The following MICOS10 variants were observed in gnomAD, a reference collection of about 807,000 sequenced individuals.
MICOS10 encodes mitochondrial contact site and cristae organizing system subunit 10.
MICOS10 carries 5 observed loss-of-function variants against 13.4 expected under a neutral mutation model. The observed-to-expected ratio is 0.37, with a 90% CI of 0.20 to 0.78. MICOS10 has a LOEUF of 0.78. Among genes scored for constraint, MICOS10 ranks in the 30% least tolerant of loss-of-function variants. The pLI, the probability that MICOS10 is intolerant of heterozygous loss-of-function variation, is 0.47. For synonymous variants in MICOS10, 35 were observed against 33.6 expected, an observed-to-expected ratio of 1.04 and a Z score of -0.15; for missense variants, 101 against 94.6, an observed-to-expected ratio of 1.07 and a Z score of -0.28.
At chr1:19,606,359 ATGCAGCT>A (rs1251897641) in intron 1 of MICOS10, among the ~76,000 whole-genome samples, 1 of 152,188 alleles carries the variant, frequency 6.6e-6, no homozygotes. Flanking sequence ...CTCTAATTAT[ATGCAGCT>A]CAGTTAACAG....
rs767214661 is a variant in MICOS10, at chr1:19,608,440, A to T, written c.64+11331A>T. The T allele has an allele frequency of 2.3e-6, 3 of 1,283,778 alleles. No homozygotes were observed. In the Admixed American group the frequency reaches 5.0e-5, roughly 22 times the overall value. The allele number at this position is 1,283,778 out of a possible 1,614,324, so 79.5% of individuals were successfully genotyped here. Reference sequence around the variant, plus strand: ...GAGGAAATAGGACCAAGACCCTTGGACCTGGGGCCCAGTCGGCCCTCAGAG... The same window carrying T: ...GAGGAAATAGGACCAAGACCCTTGGTCCTGGGGCCCAGTCGGCCCTCAGAG... On this transcript the variant is annotated intron_variant, in intron 1 of 3. Coordinates refer to ENST00000322753, the MANE Select transcript of MICOS10 (RefSeq NM_001032363.4).
At chr1:19,617,653 G>A (rs2094889081) in intron 1 of MICOS10, among the ~76,000 whole-genome samples, 1 of 152,170 alleles carries the variant, frequency 6.6e-6, no homozygotes, top group Non-Finnish European at 1.5e-5. Context: ...TCAGTTCCAA[G>A]GGTATTTTCT....
chr1:19,625,406 G>A lies in MICOS10; in HGVS notation c.223-981G>A, dbSNP rs941208193. Reference sequence around the variant, plus strand: ...TGCCATTTTAGAACCTGCTGAAACCGTCAGCTGCCTGCAGCCAGCCCATGT... The same window carrying A: ...TGCCATTTTAGAACCTGCTGAAACCATCAGCTGCCTGCAGCCAGCCCATGT... On this transcript the variant is annotated intron_variant, in intron 3 of 3. Transcript: ENST00000322753. 1.9e-5 allele frequency: 25 copies of A among 1,289,230 alleles called. No individual in the cohort carries two copies. In the Middle Eastern group the frequency reaches 6.5e-4, roughly 34 times the overall value. The allele number at this position is 1,289,230 out of a possible 1,614,324, so 79.9% of individuals were successfully genotyped here.
At chr1:19,599,147 C>T (rs984322575) in intron 1 of MICOS10, among the ~76,000 whole-genome samples, 1 of 151,788 alleles carries the variant, frequency 6.6e-6, no homozygotes, top group Non-Finnish European at 1.5e-5. Context: ...CTTCTGTCTC[C>T]TTGGGCTCAA....
intron 3 of MICOS10, 56 bp downstream of exon 3, chr1:19,623,639 C>A (rs1558348346): frequency 3.9e-6 from 5 of 1,266,584 alleles, no homozygotes; most frequent in Non-Finnish European, 5.7e-6. Context: ...TTCTCCTGAG[C>A]CCTGAAGAAT....
At chr1:19,600,546 T>C (rs2094810085) in intron 1 of MICOS10, among the ~76,000 whole-genome samples, 2 of 152,138 alleles carry the variant, frequency 1.3e-5, no homozygotes, top group Non-Finnish European at 2.9e-5. Flanking sequence ...GTGGAAGACA[T>C]AGACAGGAAG....
chr1:19,599,271 G>A (rs777151370), intron 1 of MICOS10, among the ~76,000 whole-genome samples: 1 of 151,920 alleles, frequency 6.6e-6, no homozygotes, highest in Non-Finnish European at 1.5e-5. Context: ...TCCTCAGGCC[G>A]GTCTCAAACT....
chr1:19,608,357 G>T (rs1267230430), intron 1 of MICOS10: 1 of 1,275,848 alleles, frequency 7.8e-7, no homozygotes, highest in South Asian at 1.2e-5. Flanking sequence ...CCAGGATGTG[G>T]CCCAGAGGTG....
At chr1:19,603,508 C>T (rs2094823803) in intron 1 of MICOS10, among the ~76,000 whole-genome samples, 2 of 152,194 alleles carry the variant, frequency 1.3e-5, no homozygotes, top group Non-Finnish European at 2.9e-5. Flanking sequence ...CCAGAGGACG[C>T]TTTGAGGAAA....
chr1:19,624,437 C>T (rs1429706235), intron 3 of MICOS10, among the ~76,000 whole-genome samples: 2 of 151,944 alleles, frequency 1.3e-5, no homozygotes, highest in East Asian at 1.9e-4. Flanking sequence ...CAGGCACGAG[C>T]CACTCACGCC....
chr1:19,626,297 G>C (rs2094921829), intron 3 of MICOS10, 90 bp from the exon 4 acceptor site: 8 of 1,522,578 alleles, frequency 5.3e-6, no homozygotes, highest in Non-Finnish European at 7.3e-6. Flanking sequence ...TTTGGCTTCT[G>C]GCCCTTTGGG....
Position 19,628,668 on chromosome 1 carries a change from G to A in MICOS10, c.*2267G>A, listed in dbSNP as rs1247042673. ...CTGCACTCCAGCCCGGCGACAGAGC[G>A]AGAATCTGTCTCAAAAAAAAAAAAA... On this transcript the variant is annotated 3_prime_UTR_variant, in exon 4 of 4. Transcript: ENST00000322753. 4 of 127,038 alleles carry A rather than the reference G, an allele frequency of 3.1e-5. No homozygotes were observed. The highest frequency in any genetic ancestry group is 4.6e-5 in the Non-Finnish European group (3 of 64,598). 7.9% of individuals were successfully genotyped at this position (127,038 alleles called of 1,614,324 possible).
At chr1:19,608,409 C>A in intron 1 of MICOS10, 1 of 1,262,808 alleles carries the variant, frequency 7.9e-7, no homozygotes, top group East Asian at 2.3e-5. Flanking sequence ...CAACTCCGGG[C>A]CACAGGAGGA....
intron 3 of MICOS10, 147 bp from the exon 4 acceptor site, chr1:19,626,240 C>A: frequency 1.2e-6 from 1 of 859,312 alleles, no homozygotes; most frequent in Non-Finnish European, 1.9e-6. Context: ...GTAGGGTGTA[C>A]ATAGTCCTGT....
intron 1 of MICOS10, among the ~76,000 whole-genome samples, chr1:19,599,918 T>C (rs573297939): frequency 6.6e-6 from 1 of 152,294 alleles, no homozygotes; most frequent in East Asian, 1.9e-4. Flanking sequence ...AAAAATCTAT[T>C]GCTTCCAGGG....
At chr1:19,600,987 T>G (rs1473778936) in intron 1 of MICOS10, 3 of 1,289,234 alleles carry the variant, frequency 2.3e-6, no homozygotes, top group African/African-American at 1.5e-5. Flanking sequence ...TCCTTCTCTG[T>G]TTGGTTGTCT....
intron 1 of MICOS10, among the ~76,000 whole-genome samples, chr1:19,605,770 TCTCAAATTCCTGGG>T (rs1158944854): frequency 6.6e-6 from 1 of 152,174 alleles, no homozygotes; most frequent in East Asian, 1.9e-4. Context: ...CCCAGGCTGG[TCTCAAATTCCTGGG>T]CTCAAGTGAT....
chr1:19,608,361 A>G lies in MICOS10; in HGVS notation c.64+11252A>G, dbSNP rs2094843808. On this transcript the variant is annotated intron_variant, in intron 1 of 3. Coordinates refer to ENST00000322753, the MANE Select transcript of MICOS10 (RefSeq NM_001032363.4). ...ATGTTGACCACCCAGGATGTGGCCCAGAGGTGCAAGGAGCTGGGTATCATT... is the reference window on the plus strand; with the variant it reads ...ATGTTGACCACCCAGGATGTGGCCCGGAGGTGCAAGGAGCTGGGTATCATT... 4 of 1,270,280 alleles carry G rather than the reference A, an allele frequency of 3.1e-6. No homozygotes were observed. In the East Asian group the frequency reaches 9.3e-5, roughly 29 times the overall value. 78.7% of individuals were successfully genotyped at this position (1,270,280 alleles called of 1,614,324 possible).
intron 3 of MICOS10, chr1:19,625,701 T>A: frequency 1.7e-6 from 2 of 1,195,336 alleles, no homozygotes; most frequent in Non-Finnish European, 2.1e-6. Flanking sequence ...GGGGTGATTA[T>A]ATGCATATTA....
Sources: gnomAD v4.1 joint callset for allele counts (sites outside exome capture counted in the v4.1 genomes callset) on GRCh38, gnomAD v4.1.1 for gene constraint, MANE v1.5 for transcripts, NCBI Gene and HGNC (gene_info 2026-07-23, HGNC 2026-07-21) for gene names.